Variants in B9D1 observed in about 807,000 individuals in gnomAD.
The protein encoded by B9D1 is B9 domain-containing protein 1.
A neutral mutation model predicts 26.1 loss-of-function variants in B9D1; 20 were observed. The observed-to-expected ratio is 0.77, with a 90% CI of 0.54 to 1.12. The LOEUF is 1.12. Ranked by LOEUF, B9D1 falls within the 50% of genes most tolerant of loss-of-function variation. The probability of loss-of-function intolerance (pLI) is 0.00; values close to 1 mark genes in which losing one functional copy is unlikely to be tolerated. For missense variants in B9D1, 260 were observed against 273.7 expected, an observed-to-expected ratio of 0.95 and a Z score of 0.35; for synonymous variants, 105 against 103.1, an observed-to-expected ratio of 1.02 and a Z score of -0.11.
At chr17:19,361,485 G>A (rs1412732563) in intron 1 of B9D1, among the ~76,000 whole-genome samples, 1 of 152,090 alleles carries the variant, frequency 6.6e-6, no homozygotes, top group Non-Finnish European at 1.5e-5. Context: ...CAGTGTGACT[G>A]TCAGTGTGTG....
intron 1 of B9D1, among the ~76,000 whole-genome samples, chr17:19,361,620 G>A (rs1911083170): frequency 6.6e-6 from 1 of 152,148 alleles, no homozygotes; most frequent in African/African-American, 2.4e-5. Context: ...TAAGGCAGAG[G>A]CGGACAGGGT....
upstream of B9D1, chr17:19,364,517 TGGA>T (rs1481779962): frequency 2.0e-5 from 3 of 152,174 alleles, no homozygotes; most frequent in East Asian, 1.9e-4. This position sits in a 1 kb window ranked among gnomAD's most constrained non-coding sequence, Gnocchi z 4.3. Context: ...ACAGTCAGGT[TGGA>T]GGAGAAGGTA....
intron 5 of B9D1, among the ~76,000 whole-genome samples, chr17:19,345,838 G>A (rs1471324526): frequency 6.6e-6 from 1 of 152,208 alleles, no homozygotes; most frequent in Non-Finnish European, 1.5e-5. Flanking sequence ...GCTGGGAGAG[G>A]GGTGGGGATG....
chr17:19,366,034 G>C (rs148296805), upstream of B9D1, among the ~76,000 whole-genome samples: 2 of 151,816 alleles, frequency 1.3e-5, no homozygotes, highest in African/African-American at 4.8e-5. Flanking sequence ...GTAGCCTTCA[G>C]AGCCCACTCT....
downstream of B9D1, chr17:19,341,052 G>T: frequency 2.9e-6 from 3 of 1,045,484 alleles, no homozygotes; most frequent in Non-Finnish European, 3.6e-6. Flanking sequence ...TGGTGGGTAT[G>T]TGGTGTTCAC....
chr17:19,352,885 C>G (rs1304766995), intron 3 of B9D1, among the ~76,000 whole-genome samples: 2 of 151,992 alleles, frequency 1.3e-5, no homozygotes, highest in African/African-American at 4.8e-5. Flanking sequence ...CCAGGCTGGT[C>G]TCGAACTCCT....
chr17:19,353,983 T>C (rs947701426), intron 3 of B9D1, among the ~76,000 whole-genome samples: 2 of 152,106 alleles, frequency 1.3e-5, no homozygotes, highest in African/African-American at 2.4e-5. Flanking sequence ...TAAAATAAAA[T>C]GACAAAATTT....
rs777059613 is a variant in B9D1 at position 19,343,302 on chromosome 17, T to C, written c.*17A>G. The C allele has an allele frequency of 3.1e-6, 5 of 1,614,016 alleles. No individual in the cohort carries two copies. Among genetic ancestry groups the C allele is most frequent in the Non-Finnish European group, 3.4e-6 (4 of 1,179,940 alleles). On this transcript the variant is annotated 3_prime_UTR_variant, in exon 7 of 7. Coordinates refer to ENST00000261499, the MANE Select transcript of B9D1 (RefSeq NM_015681.6). ...GGCAGCCCTTCATTATCAGAGACTGTGCAGCCTGTGGAGCCTTCACTGGGG... is the reference window on the plus strand; with the variant it reads ...GGCAGCCCTTCATTATCAGAGACTGCGCAGCCTGTGGAGCCTTCACTGGGG...
At chr17:19,354,265 C>G (rs1238267194) in intron 3 of B9D1, among the ~76,000 whole-genome samples, 2 of 152,200 alleles carry the variant, frequency 1.3e-5, no homozygotes, top group African/African-American at 4.8e-5. Context: ...TGACTCACTA[C>G]CGGATCACCA....
chr17:19,377,191 A>G (rs1488543044), intron 1 of B9D1, among the ~76,000 whole-genome samples: 1 of 152,228 alleles, frequency 6.6e-6, no homozygotes, highest in Non-Finnish European at 1.5e-5. Context: ...ACATTGGCAA[A>G]ATAAACTTTC....
At chr17:19,377,132 T>C (rs1377322408) in intron 1 of B9D1, among the ~76,000 whole-genome samples, 3 of 152,260 alleles carry the variant, frequency 2.0e-5, no homozygotes, top group Non-Finnish European at 4.4e-5. Flanking sequence ...CCCGACCATC[T>C]TGGGCACATG....
rs1911838616 is a variant in B9D1, at chr17:19,370,454, G to A, written c.-298+7405C>T. On this transcript the variant is annotated intron_variant, in intron 1 of 5. Transcript: ENST00000477478. This position sits in a 1 kb window ranked among gnomAD's most constrained non-coding sequence, Gnocchi z 5.1. ...GACATCTCGATGACATGTGCTGTGT[G>A]TGTCCCTCACAGACTTGGGATCTTT... Among the ~76,000 whole-genome samples, 1 of 152,206 alleles carries A rather than the reference G, an allele frequency of 6.6e-6. No individual in the cohort carries two copies. The highest frequency in any genetic ancestry group is 1.5e-5 in the Non-Finnish European group (1 of 68,034).
In B9D1 at chr17:19,343,384, CAT is replaced by C; in HGVS notation, c.548_549del (p.Tyr183Ter). Reference sequence around the variant, plus strand: ...CCCTGTGTATCAGAAGGCCCAGTGTCATAGCCCAGTTTCCTCATGTCCTTGGT... The same window carrying C: ...CCCTGTGTATCAGAAGGCCCAGTGTCAGCCCAGTTTCCTCATGTCCTTGGT... ...VVTKDMRKLG[Y>X]DTGPSDTQGV... On this transcript the variant is annotated frameshift_variant, in exon 7 of 7. Transcript: ENST00000261499. LOFTEE classifies it low-confidence loss of function (END_TRUNC). 3 of 1,614,166 alleles carry C rather than the reference CAT, an allele frequency of 1.9e-6. No individual in the cohort carries two copies. The highest frequency in any genetic ancestry group is 1.7e-6 in the Non-Finnish European group (2 of 1,180,022).
At chr17:19,366,423 C>T (rs1911596316), upstream of B9D1, among the ~76,000 whole-genome samples, 2 of 152,088 alleles carry the variant, frequency 1.3e-5, no homozygotes, top group South Asian at 4.1e-4. Context: ...GGGCAGCTGG[C>T]TGAGACCAAC....
chr17:19,346,754 C>T (rs1908855460), intron 5 of B9D1, among the ~76,000 whole-genome samples: 1 of 152,192 alleles, frequency 6.6e-6, no homozygotes, highest in Non-Finnish European at 1.5e-5. Flanking sequence ...GCCACACCAC[C>T]GTCCTGGCTT....
chr17:19,344,413 G>A, intron 5 of B9D1: 1 of 228,434 alleles, frequency 4.4e-6, no homozygotes, highest in South Asian at 4.3e-5. Flanking sequence ...GCCAGGGGCG[G>A]CACACAGCCA....
chr17:19,357,643 G>A (rs1910523397), intron 3 of B9D1, 197 bp downstream of exon 3: 1 of 631,230 alleles, frequency 1.6e-6, no homozygotes, highest in Admixed American at 2.2e-5. Context: ...GCCTGTAGCA[G>A]ATGAAGGGGG....
At chr17:19,353,513 G>A (rs924576360) in intron 3 of B9D1, among the ~76,000 whole-genome samples, 4 of 151,836 alleles carry the variant, frequency 2.6e-5, no homozygotes, top group African/African-American at 7.3e-5. Context: ...AGTGGCAGGC[G>A]CCTGTAATCC....
In B9D1 at chr17:19,347,241, G is replaced by A; in HGVS notation, c.404+28C>T. On this transcript the variant is annotated intron_variant, in intron 5 of 6. Transcript: ENST00000261499. This position sits in a 1 kb window ranked among gnomAD's most constrained non-coding sequence, Gnocchi z 4.3. ...ATCCATTCATCCAGTAGATCAGGAG[G>A]GGCTGGGGTTATGGGTACAAAACTC... The A allele has an allele frequency of 3.1e-6, 5 of 1,614,198 alleles. No individual in the cohort carries two copies. Among genetic ancestry groups the A allele is most frequent in the Non-Finnish European group, 4.2e-6 (5 of 1,180,032 alleles).
Sources: gnomAD v4.1 joint callset for allele counts (sites outside exome capture counted in the v4.1 genomes callset) on GRCh38, gnomAD v4.1.1 for gene constraint, Gnocchi (gnomAD v3.1) non-coding constraint, MANE v1.5 for transcripts, NCBI Gene and HGNC (gene_info 2026-07-23, HGNC 2026-07-21) for gene names.